Variants in CLSTN2 observed in about 807,000 individuals in gnomAD.
CLSTN2 encodes the protein calsyntenin 2.
In CLSTN2, 48 loss-of-function variants were observed where a neutral mutation model predicts 101.2. The ratio of observed to expected loss-of-function variants is 0.47; its 90% CI spans 0.38 to 0.60. CLSTN2 has a LOEUF of 0.60. Ranked by LOEUF, CLSTN2 falls within the 20% of genes least tolerant of loss-of-function variation. CLSTN2 has a pLI of 0.00. For synonymous variants in CLSTN2, 481 were observed against 463.6 expected (o/e 1.04, Z -0.48); for missense variants, 1,160 against 1,238.2 (o/e 0.94, Z 0.95).
At chr3:139,986,686 A>G (rs776100008) in intron 1 of CLSTN2, among the ~76,000 whole-genome samples, 1 of 152,108 alleles carries the variant, frequency 6.6e-6, no homozygotes, top group Non-Finnish European at 1.5e-5. Flanking sequence ...GTGGCATTGC[A>G]CATTCCTATA....
chr3:140,514,457 A>G (rs1640192008), intron 8 of CLSTN2, among the ~76,000 whole-genome samples: 1 of 152,082 alleles, frequency 6.6e-6, no homozygotes. Flanking sequence ...GTTCCTTTTT[A>G]TAGCTGAGAG....
intron 2 of CLSTN2, among the ~76,000 whole-genome samples, chr3:140,348,383 C>T (rs1239382845): frequency 6.6e-6 from 1 of 152,096 alleles, no homozygotes; most frequent in Non-Finnish European, 1.5e-5. Context: ...ATATTCATGC[C>T]GTGATTTAGA....
intron 8 of CLSTN2, among the ~76,000 whole-genome samples, chr3:140,493,011 T>C (rs1934383771): frequency 6.6e-6 from 1 of 150,604 alleles, no homozygotes; most frequent in African/African-American, 2.4e-5. Context: ...CAATCAACCA[T>C]GGAGGTTTTT....
chr3:140,558,392 A>C (rs536605474), intron 11 of CLSTN2, among the ~76,000 whole-genome samples: 2 of 152,342 alleles, frequency 1.3e-5, no homozygotes, highest in Middle Eastern at 3.4e-3. Context: ...GAAAGGTTTC[A>C]TGGTTACGTG....
At chr3:140,135,113 C>CATATATATATAT (rs1475480824) in intron 1 of CLSTN2, among the ~76,000 whole-genome samples, 5 of 52,078 alleles carry the variant, frequency 9.6e-5, no homozygotes, top group African/African-American at 4.9e-4. Flanking sequence ...CACACACACA[C>CATATATATATAT]ACACATATAT....
chr3:140,444,632 A>G (rs78084653), intron 5 of CLSTN2, among the ~76,000 whole-genome samples: 7,713 of 152,256 alleles, frequency 0.051, 664 homozygotes, highest in African/African-American at 0.18. Context: ...TTATTGAATA[A>G]ACGGTAATTT....
intron 1 of CLSTN2, among the ~76,000 whole-genome samples, chr3:140,094,709 TGGCAGACAAA>T (rs1053810141): frequency 6.6e-6 from 1 of 152,174 alleles, no homozygotes; most frequent in African/African-American, 2.4e-5. Context: ...GCAGCAGCAG[TGGCAGACAAA>T]GGCTGGAAAA....
chr3:140,481,934 C>G (rs555820555), intron 8 of CLSTN2, among the ~76,000 whole-genome samples: 1 of 152,156 alleles, frequency 6.6e-6, no homozygotes, highest in Admixed American at 6.5e-5. Context: ...ATTGAATACC[C>G]TTTATTTCTT....
chr3:140,256,529 A>C (rs372146706), intron 2 of CLSTN2, among the ~76,000 whole-genome samples: 1 of 152,352 alleles, frequency 6.6e-6, no homozygotes, highest in Admixed American at 6.5e-5. Flanking sequence ...TATGCCTGGC[A>C]CAGAGTAGGG....
At chr3:140,035,652 A>G (rs1452096336) in intron 1 of CLSTN2, among the ~76,000 whole-genome samples, 1 of 152,216 alleles carries the variant, frequency 6.6e-6, no homozygotes, top group East Asian at 1.9e-4. Context: ...GAGGGAACCT[A>G]TGTAAGCCCC....
At chr3:140,317,277 C>T (rs906689386) in intron 2 of CLSTN2, among the ~76,000 whole-genome samples, 7 of 152,140 alleles carry the variant, frequency 4.6e-5, no homozygotes, top group Non-Finnish European at 7.3e-5. Flanking sequence ...GGGAAAAGTT[C>T]AGGGACTCTT....
chr3:140,391,368 TG>T lies in CLSTN2; in HGVS notation c.233-12254del, dbSNP rs1291536474. Among the ~76,000 whole-genome samples, 39 of 2,626 alleles carry T rather than the reference TG, an allele frequency of 0.015. No homozygotes were observed. In the South Asian group the frequency reaches 0.24, roughly 16 times the overall value. 1.7% of individuals were successfully genotyped at this position (2,626 alleles called of 152,430 possible). A position where few individuals can be genotyped will look rare whatever the true frequency, so the allele number is the denominator to read the frequency against. On this transcript the variant is annotated intron_variant, in intron 2 of 16. Transcript: ENST00000458420. ...TGTCTAGAGCCCTTCACTATTTGCG[TG>T]GGGGGGTGGGCGGGAGGGGCGGGTA...
chr3:140,064,356 C>T (rs2008262307), intron 1 of CLSTN2, among the ~76,000 whole-genome samples: 1 of 152,182 alleles, frequency 6.6e-6, no homozygotes, highest in South Asian at 2.1e-4. Flanking sequence ...GGCCACTTCA[C>T]CTCATCATGC....
rs139979929 is a variant in CLSTN2 at position 140,282,526 on chromosome 3, G to T, written c.232+106453G>T. On this transcript the variant is annotated intron_variant, in intron 2 of 16. Transcript: ENST00000458420. ...AATAAGCTGAAAATAAGAGCTTTCT[G>T]TGAAGTCTGCCAAAAATATTGGCAG... Among the ~76,000 whole-genome samples, 3 of 152,214 alleles carry T rather than the reference G, an allele frequency of 2.0e-5. No individual in the cohort carries two copies. The South Asian group carries it at 6.2e-4, about 32-fold the overall frequency.
At chr3:140,432,512 A>G (rs1329487337) in intron 5 of CLSTN2, among the ~76,000 whole-genome samples, 6 of 152,136 alleles carry the variant, frequency 3.9e-5, no homozygotes, top group African/African-American at 9.7e-5. Context: ...GATTGCTCAG[A>G]TCTTCCTGGC....
intron 1 of CLSTN2, among the ~76,000 whole-genome samples, chr3:140,010,479 G>A (rs2007050380): frequency 6.6e-6 from 1 of 152,136 alleles, no homozygotes; most frequent in Admixed American, 6.5e-5. Context: ...CAGAGGAATG[G>A]CCCATATTTA....
At chr3:140,423,759 T>C (rs956094861) in intron 5 of CLSTN2, among the ~76,000 whole-genome samples, 1 of 152,210 alleles carries the variant, frequency 6.6e-6, no homozygotes, top group Admixed American at 6.5e-5. Context: ...CTTTCCTTAT[T>C]TGGAAAGAAG....
intron 2 of CLSTN2, among the ~76,000 whole-genome samples, chr3:140,251,566 C>T (rs1044024623): frequency 2.0e-5 from 2 of 102,350 alleles, no homozygotes; most frequent in Non-Finnish European, 4.3e-5. Flanking sequence ...AAGTCAATAA[C>T]GGCAACTCTT....
intron 1 of CLSTN2, among the ~76,000 whole-genome samples, chr3:140,082,974 C>A (rs1379013379): frequency 6.6e-6 from 1 of 152,170 alleles, no homozygotes; most frequent in Non-Finnish European, 1.5e-5. Context: ...TCATTTCAAC[C>A]AGAGGGCCTT....
Sources: allele counts gnomAD v4.1 joint callset (sites outside exome capture counted in the v4.1 genomes callset), GRCh38; gene constraint gnomAD v4.1.1; transcripts MANE v1.5; gene names NCBI Gene and HGNC (gene_info 2026-07-23, HGNC 2026-07-21).